APC2: variants seen among roughly 807,000 people sequenced by gnomAD.
The protein encoded by APC2 is adenomatous polyposis coli protein 2.
Under a neutral mutation model 72.5 loss-of-function variants are expected in APC2, and 41 were observed. The observed-to-expected ratio is 0.57, with a 90% CI of 0.44 to 0.73. The LOEUF (loss-of-function observed/expected upper bound fraction) is 0.73, where lower values mean the gene tolerates loss of function less well. Among genes scored for constraint, APC2 ranks in the 30% least tolerant of loss-of-function variants. APC2 has a pLI of 0.00. For missense variants in APC2, 3,729 were observed against 3,403.4 expected (o/e 1.10, Z -2.38); for synonymous variants, 1,898 against 1,612.0 (o/e 1.18, Z -4.25).
rs184769239 is a variant in APC2 at position 1,465,980 on chromosome 19, G to T, written c.2679G>T (p.Ser893=). 2.6e-6 allele frequency: 4 copies of T among 1,530,448 alleles called. No individual in the cohort carries two copies. Among genetic ancestry groups the T allele is most frequent in the African/African-American group, 2.9e-5 (2 of 69,460 alleles). 94.8% of individuals were successfully genotyped at this position (1,530,448 alleles called of 1,614,324 possible). ...GGGAGGGCCGCGCCCAGTCCTGCTC[G>T]CCATGCCGCGGCCCGGAGGGCGGGC... The part of the protein sequence containing the change: ...APREGRAQSC[S]PCRGPEGGRR... The change falls in exon 15 of 15, where the codon TCG becomes TCT. Residue 893 remains serine, a synonymous_variant. Transcript: ENST00000590469.
chr19:1,450,750 AGCCCCCAGTCATG>A (rs2083733526), intron 1 of APC2, among the ~76,000 whole-genome samples: 1 of 152,184 alleles, frequency 6.6e-6, no homozygotes, highest in Non-Finnish European at 1.5e-5. Flanking sequence ...CAATAAGACC[AGCCCCCAGTCATG>A]GTGCCTTCAG....
Position 1,467,217 on chromosome 19 carries a change from G to GGGGGCGCC in APC2, c.3921_3928dup (p.Gly1310AlafsTer273), listed in dbSNP as rs745382810. 2.2e-6 allele frequency: 3 copies of GGGGGCGCC among 1,371,210 alleles called. No individual in the cohort carries two copies. The African/African-American group carries it at 4.5e-5, about 21-fold the overall frequency. The allele number at this position is 1,371,210 out of a possible 1,614,324, so 84.9% of individuals were successfully genotyped here. A position where few individuals can be genotyped will look rare whatever the true frequency, so the allele number is the denominator to read the frequency against. ...GCCCTCGGCCTGCCCCGAGCGCGGCGGGGGCGCCGGGGGCGCCGGCCTCCA... is the reference window on the plus strand; with the variant it reads ...GCCCTCGGCCTGCCCCGAGCGCGGCGGGGGCGCCGGGGCGCCGGGGGCGCCGGCCTCCA... On this transcript the variant is annotated frameshift_variant, in exon 15 of 15. Transcript: ENST00000590469. LOFTEE classifies it low-confidence loss of function (END_TRUNC).
intron 13 of APC2, 85 bp from the exon 14 acceptor site, chr19:1,461,878 A>G: frequency 1.6e-6 from 2 of 1,229,640 alleles, no homozygotes; most frequent in East Asian, 4.9e-5. Context: ...AAACAAAAAA[A>G]CCCAACTTCA....
In APC2 at chr19:1,460,320, G is replaced by C; in HGVS notation, c.1443G>C (p.Lys481Asn). The C allele has an allele frequency of 6.2e-7, 1 of 1,613,354 alleles. No homozygotes were observed. The highest frequency in any genetic ancestry group is 8.5e-7 in the Non-Finnish European group (1 of 1,179,986). ...TCACCTTTGGGGACGTTGCCAACAA[G>C]GTGCCCGGGGGCAGTGGGTGGGCTG... is the stretch of plus-strand genomic sequence containing the variant. Reference protein sequence around the residue: ...TNLTFGDVANKATLCARRGCM... With the variant: ...TNLTFGDVANNATLCARRGCM... Residue 481 changes from lysine (K) to asparagine (N), a missense_variant and splice_region_variant, in exon 11 of 15, where the codon AAG becomes AAC. Lys to Asn is a moderately conservative substitution (Grantham distance 94). Coordinates refer to ENST00000590469, the MANE Select transcript of APC2 (RefSeq NM_005883.3).
upstream of APC2, among the ~76,000 whole-genome samples, chr19:1,446,797 C>T (rs2083691826): frequency 6.6e-6 from 1 of 152,090 alleles, no homozygotes; most frequent in Non-Finnish European, 1.5e-5. The surrounding 1 kb of genome is among the most constrained non-coding windows in gnomAD (Gnocchi z 6.1). Flanking sequence ...GAGCGTATGG[C>T]CTGCTTTGAC....
At chr19:1,446,846 C>T (rs764228762), upstream of APC2, among the ~76,000 whole-genome samples, 6 of 152,226 alleles carry the variant, frequency 3.9e-5, no homozygotes, top group Non-Finnish European at 8.8e-5. This position sits in a 1 kb window ranked among gnomAD's most constrained non-coding sequence, Gnocchi z 6.1. Flanking sequence ...CCGCTCCCGA[C>T]CCCAGCGCTT....
chr19:1,450,467 G>A, intron 1 of APC2, 129 bp downstream of exon 1: 2 of 765,262 alleles, frequency 2.6e-6, no homozygotes, highest in Non-Finnish European at 3.2e-6. Flanking sequence ...GGGAGCTGGA[G>A]GGGAAACTGA....
intron 3 of APC2, 21 bp from the exon 4 acceptor site, chr19:1,453,410 G>A (rs574210021): frequency 1.4e-5 from 23 of 1,607,276 alleles, no homozygotes; most frequent in Middle Eastern, 3.3e-4. Context: ...GCTGACCTCC[G>A]CCCTGTCCCC....
At position 1,456,064 on chromosome 19, in the gene APC2, G is replaced by T. The variant is rs540755099; in HGVS notation, c.640-12G>T. The T allele has an allele frequency of 6.4e-6, 10 of 1,555,652 alleles. 1 individual carries two copies. Among genetic ancestry groups the T allele is most frequent in the Admixed American group, 5.7e-5 (3 of 52,630 alleles). On this transcript the variant is annotated splice_polypyrimidine_tract_variant and intron_variant, in intron 6 of 14. Transcript: ENST00000590469. Reference sequence around the variant, plus strand: ...TCAGCTCCAGCACTTGCCCTCGTGTGGTCCTGAGCAGATCCGCGCCTCGCG... The same window carrying T: ...TCAGCTCCAGCACTTGCCCTCGTGTTGTCCTGAGCAGATCCGCGCCTCGCG...
chr19:1,466,817 G>T lies in APC2; in HGVS notation c.3516G>T (p.Glu1172Asp). ...CSSVSSLGSF[E>D]SPSIASSIPS... Reference sequence around the variant, plus strand: ...CTGTGAGCTCGCTGGGCAGCTTCGAGAGCCCGTCCATCGCCAGCTCCATCC... The same window carrying T: ...CTGTGAGCTCGCTGGGCAGCTTCGATAGCCCGTCCATCGCCAGCTCCATCC... Residue 1172 changes from glutamate to aspartate, a missense_variant, in exon 15 of 15, where the codon GAG (glutamate) becomes GAT (aspartate). Physicochemically the swap from Glu to Asp is conservative, Grantham distance 45 (BLOSUM62 2). Coordinates refer to ENST00000590469, the MANE Select transcript of APC2 (RefSeq NM_005883.3). 2 of 1,553,728 alleles carry T rather than the reference G, an allele frequency of 1.3e-6. No individual in the cohort carries two copies. Among genetic ancestry groups the T allele is most frequent in the Non-Finnish European group, 8.7e-7 (1 of 1,149,818 alleles).
Position 1,467,099 on chromosome 19 carries a change from G to A in APC2, c.3798G>A (p.Glu1266=), listed in dbSNP as rs1164449712. Residue 1266 remains glutamate (E), a synonymous_variant, in exon 15 of 15, where the codon GAG becomes GAA. Transcript: ENST00000590469. ...LDAGSVRFTV[E]KPDENFSCAS... is the part of the protein sequence containing the mutation. ...CAGGCAGCGTGCGCTTTACCGTGGA[G>A]AAGCCAGACGAGAACTTCTCGTGCG... The A allele has an allele frequency of 2.7e-5, 44 of 1,605,014 alleles. No homozygotes were observed. Among genetic ancestry groups the A allele is most frequent in the Non-Finnish European group, 3.7e-5 (44 of 1,175,690 alleles).
In APC2 at chr19:1,457,083, G is replaced by A. The variant is rs2083843166; in HGVS notation, c.1047G>A (p.Ala349=). The part of the protein sequence containing the change: ...GAKDARMRAN[A]ALHNIVFSQP... Reference sequence around the variant, plus strand: ...AGGACGCACGCATGCGCGCCAACGCGGCGCTGCACAACATCGTCTTCTCGC... The same window carrying A: ...AGGACGCACGCATGCGCGCCAACGCAGCGCTGCACAACATCGTCTTCTCGC... The change falls in exon 9 of 15, where the codon GCG becomes GCA. Residue 349 remains alanine (A), a synonymous_variant. Coordinates refer to ENST00000590469, the MANE Select transcript of APC2 (RefSeq NM_005883.3). 2.6e-6 allele frequency: 4 copies of A among 1,563,376 alleles called. No homozygotes were observed. Among genetic ancestry groups the A allele is most frequent in the Middle Eastern group, 1.8e-4 (1 of 5,434 alleles).
chr19:1,461,649 G>C, intron 13 of APC2: 2 of 358,984 alleles, frequency 5.6e-6, no homozygotes, highest in East Asian at 5.5e-5. Context: ...TCAGGAGATC[G>C]AGACCATCCT....
chr19:1,465,019 T>C (rs1177222406), intron 14 of APC2, 136 bp from the exon 15 acceptor site: 26 of 833,966 alleles, frequency 3.1e-5, no homozygotes, highest in Admixed American at 1.6e-4. Flanking sequence ...GATATACTTA[T>C]ACCAAAAATT....
At position 1,466,870 on chromosome 19, in the gene APC2, G is replaced by C; in HGVS notation, c.3569G>C (p.Ser1190Thr). The stretch of plus-strand genomic sequence containing the variant: ...AGTGAACCTTGCAGCGGGCAGGGCA[G>C]CGGCACCATCAGCCCTAGCGAGCTG... ...IPSEPCSGQG[S>T]GTISPSELPD... Residue 1190 changes from serine (S) to threonine (T), a missense_variant, in exon 15 of 15, where the codon AGC (serine) becomes ACC (threonine). By Grantham distance (58) the Ser-to-Thr change is moderately conservative. Coordinates refer to ENST00000590469, the MANE Select transcript of APC2 (RefSeq NM_005883.3). 2 of 1,564,906 alleles carry C rather than the reference G, an allele frequency of 1.3e-6. No individual in the cohort carries two copies. The highest frequency in any genetic ancestry group is 1.7e-6 in the Non-Finnish European group (2 of 1,156,196).
At chr19:1,455,679 G>A (rs2083811883) in intron 6 of APC2, among the ~76,000 whole-genome samples, 179 bp downstream of exon 6, 1 of 152,238 alleles carries the variant, frequency 6.6e-6, no homozygotes, top group South Asian at 2.1e-4. Context: ...TTGGTGGGTG[G>A]AGTCAGGAGG....
At chr19:1,457,516 TC>T (rs1251381882) in intron 9 of APC2, 1 of 546,974 alleles carries the variant, frequency 1.8e-6, no homozygotes, top group African/African-American at 2.0e-5. Flanking sequence ...ACTTTGAGAT[TC>T]TTTTTTTGCA....
At chr19:1,460,911 C>A in intron 12 of APC2, 54 bp downstream of exon 12, 1 of 1,602,114 alleles carries the variant, frequency 6.2e-7, no homozygotes, top group Non-Finnish European at 8.5e-7. Context: ...TAGGCAGAGG[C>A]CCCTCCCCAG....
chr19:1,457,681 G>C (rs1599140265), intron 9 of APC2: 1 of 538,888 alleles, frequency 1.9e-6, no homozygotes, highest in Non-Finnish European at 3.4e-6. Context: ...CTGGACAACA[G>C]AGCGAGACCC....
Sources: gnomAD v4.1 joint callset for allele counts (sites outside exome capture counted in the v4.1 genomes callset) on GRCh38, gnomAD v4.1.1 for gene constraint, Gnocchi (gnomAD v3.1) non-coding constraint, MANE v1.5 for transcripts, NCBI Gene and HGNC (gene_info 2026-07-23, HGNC 2026-07-21) for gene names.